The following PBX4 variants were observed in gnomAD, a reference collection of about 807,000 sequenced individuals.
PBX4 encodes PBX homeobox 4.
Under a neutral mutation model 35.1 loss-of-function variants are expected in PBX4, and 26 were observed. That is an observed-to-expected ratio of 0.74 (90% CI 0.54 to 1.03). PBX4 has a LOEUF of 1.03. PBX4 is among the 50% of genes least tolerant of loss of function. The pLI is 0.00. For missense variants in PBX4, 448 were observed against 504.3 expected (o/e 0.89, Z 1.07); for synonymous variants, 199 against 204.2 (o/e 0.97, Z 0.22).
At chr19:19,584,774 C>T (rs559136892) in intron 2 of PBX4, among the ~76,000 whole-genome samples, 1 of 151,888 alleles carries the variant, frequency 6.6e-6, no homozygotes, top group African/African-American at 2.4e-5. Context: ...TATAGGCATG[C>T]ACCACCATGC....
At chr19:19,588,767 G>A (rs1026025689) in intron 2 of PBX4, among the ~76,000 whole-genome samples, 6 of 152,122 alleles carry the variant, frequency 3.9e-5, no homozygotes, top group Non-Finnish European at 7.3e-5. Flanking sequence ...TTCCCAGCCT[G>A]CGAATCAAAG....
At chr19:19,564,713 T>C (rs866029871) in intron 6 of PBX4, 1 of 599,830 alleles carries the variant, frequency 1.7e-6, no homozygotes, top group Non-Finnish European at 2.9e-6. Context: ...TTCATGTCTT[T>C]TCTTATTAGT....
chr19:19,594,182 G>A (rs1181367614), intron 2 of PBX4, among the ~76,000 whole-genome samples: 1 of 151,780 alleles, frequency 6.6e-6, no homozygotes, highest in African/African-American at 2.4e-5. Flanking sequence ...GAGGCGGGCG[G>A]ATCACCTGAG....
chr19:19,605,604 C>T (rs1020710846), intron 1 of PBX4, among the ~76,000 whole-genome samples: 4 of 151,380 alleles, frequency 2.6e-5, no homozygotes, highest in East Asian at 1.9e-4. Flanking sequence ...CCAGCCTGGG[C>T]GACAGAGTGA....
intron 1 of PBX4, among the ~76,000 whole-genome samples, 178 bp downstream of exon 1, chr19:19,618,333 C>G (rs1048486581): frequency 6.6e-5 from 10 of 152,200 alleles, no homozygotes; most frequent in African/African-American, 2.4e-4. Flanking sequence ...ACTGCTCGGC[C>G]CCATAAGGCC....
chr19:19,589,166 C>T (rs1289455936), intron 2 of PBX4, among the ~76,000 whole-genome samples: 1 of 152,110 alleles, frequency 6.6e-6, no homozygotes, highest in Non-Finnish European at 1.5e-5. Flanking sequence ...CGGTGGCTCA[C>T]ACCTATAGTC....
chr19:19,602,681 C>T (rs557086792), intron 1 of PBX4, among the ~76,000 whole-genome samples: 14 of 152,260 alleles, frequency 9.2e-5, no homozygotes, highest in South Asian at 2.1e-4. Flanking sequence ...GAGATCCCCC[C>T]GCCTTGGCCC....
chr19:19,599,908 G>A (rs1038638998), intron 1 of PBX4, among the ~76,000 whole-genome samples: 1 of 151,684 alleles, frequency 6.6e-6, no homozygotes, highest in African/African-American at 2.4e-5. Flanking sequence ...GGGAGGCAGA[G>A]GTTGCAGTGA....
chr19:19,614,650 A>C (rs1345473453), intron 1 of PBX4, among the ~76,000 whole-genome samples: 1 of 152,106 alleles, frequency 6.6e-6, no homozygotes, highest in Non-Finnish European at 1.5e-5. Flanking sequence ...ACAGAGTATG[A>C]GACTCCGTCT....
At position 19,562,486 on chromosome 19, in the gene PBX4, G is replaced by A. The variant is rs916033414; in HGVS notation, c.1033-369C>T. 6.6e-6 allele frequency among the ~76,000 whole-genome samples: 1 copy of A among 151,776 alleles called. No homozygotes were observed. The highest frequency in any genetic ancestry group is 1.9e-4 in the East Asian group (1 of 5,150). On this transcript the variant is annotated intron_variant, in intron 7 of 7. Transcript: ENST00000251203. The surrounding 1 kb of genome is among the most constrained non-coding windows in gnomAD (Gnocchi z 4.8). ...CGCCCGGAGCGTCATGGTGAGACTC[G>A]GTGGGAAAAAGGGGCTCTGAAACCT...
intron 2 of PBX4, 24 bp downstream of exon 2, chr19:19,599,268 G>T (rs1599373071): frequency 6.3e-7 from 1 of 1,599,452 alleles, no homozygotes; most frequent in East Asian, 2.2e-5. Context: ...CGCTCGGCCA[G>T]AAAGTGTCTT....
At chr19:19,578,015 TAAAAAAAA>T (rs34023797) in intron 2 of PBX4, among the ~76,000 whole-genome samples, 1 of 73,384 alleles carries the variant, frequency 1.4e-5, no homozygotes, top group African/African-American at 6.0e-5. Context: ...CCATCTCTAC[TAAAAAAAA>T]AAAAAAAAAA....
intron 2 of PBX4, among the ~76,000 whole-genome samples, chr19:19,578,647 T>C (rs1027903577): frequency 1.3e-5 from 2 of 152,182 alleles, no homozygotes; most frequent in African/African-American, 4.8e-5. Flanking sequence ...CCCAACTTAC[T>C]GTGTGTGGCA....
intron 1 of PBX4, among the ~76,000 whole-genome samples, chr19:19,611,477 A>G (rs148383883): frequency 0.015 from 2,237 of 151,786 alleles, 76 homozygotes; most frequent in South Asian, 0.071. Context: ...TCAGGAGTTC[A>G]AGACCAGCCT....
chr19:19,600,364 A>C (rs1009395393), intron 1 of PBX4, among the ~76,000 whole-genome samples: 1 of 151,828 alleles, frequency 6.6e-6, no homozygotes, highest in African/African-American at 2.4e-5. Flanking sequence ...CATTCTCTTC[A>C]AAAATTTAAA....
At chr19:19,586,572 T>A (rs921288100) in intron 2 of PBX4, among the ~76,000 whole-genome samples, 4 of 151,998 alleles carry the variant, frequency 2.6e-5, no homozygotes, top group African/African-American at 9.7e-5. Context: ...AATATATATT[T>A]TTCCAGATGT....
intron 2 of PBX4, among the ~76,000 whole-genome samples, chr19:19,598,264 C>A (rs904816075): frequency 6.7e-6 from 1 of 149,696 alleles, no homozygotes. Context: ...ACTCTCTGTA[C>A]TATTTTTTCA....
intron 4 of PBX4, 135 bp from the exon 5 acceptor site, chr19:19,569,719 G>T: frequency 8.1e-7 from 1 of 1,228,652 alleles, no homozygotes; most frequent in Non-Finnish European, 1.1e-6. Flanking sequence ...AGACCAGCGT[G>T]GTCAACATAG....
intron 1 of PBX4, among the ~76,000 whole-genome samples, chr19:19,614,950 A>G (rs1198067079): frequency 6.6e-6 from 1 of 151,902 alleles, no homozygotes; most frequent in African/African-American, 2.4e-5. Flanking sequence ...ATTTGAGGTC[A>G]GGAGTTCAAC....
Sources: gnomAD v4.1 joint callset for allele counts (sites outside exome capture counted in the v4.1 genomes callset) on GRCh38, gnomAD v4.1.1 for gene constraint, Gnocchi (gnomAD v3.1) non-coding constraint, MANE v1.5 for transcripts, NCBI Gene and HGNC (gene_info 2026-07-23, HGNC 2026-07-21) for gene names.